The following RERE variants were observed in gnomAD, a reference collection of about 807,000 sequenced individuals.
The protein encoded by RERE is arginine-glutamic acid dipeptide repeats, also known as arginine-glutamic acid dipeptide repeats protein.
In RERE, 40 loss-of-function variants were observed where a neutral mutation model predicts 146.1. The ratio of observed to expected loss-of-function variants is 0.27; its 90% confidence interval spans 0.21 to 0.36. The LOEUF is 0.36. Among genes scored for constraint, RERE ranks in the 10% least tolerant of loss-of-function variants. The probability of loss-of-function intolerance (pLI) is 1.00; values close to 1 mark genes in which losing one functional copy is unlikely to be tolerated. For missense variants in RERE, 1,933 were observed against 2,138.7 expected, an observed-to-expected ratio of 0.90 and a Z score of 1.90; for synonymous variants, 1,003 against 866.0, an observed-to-expected ratio of 1.16 and a Z score of -2.78.
At chr1:8,734,373 A>T (rs973468818) in intron 1 of RERE, among the ~76,000 whole-genome samples, 1 of 152,188 alleles carries the variant, frequency 6.6e-6, no homozygotes, top group Admixed American at 6.5e-5. Flanking sequence ...ATCTTCCCTA[A>T]GCCATTGCTG....
intron 4 of RERE, among the ~76,000 whole-genome samples, chr1:8,563,212 T>G (rs539139113): frequency 1.9e-3 from 283 of 152,330 alleles, no homozygotes; most frequent in Non-Finnish European, 3.1e-3. Context: ...TTTTATCAAT[T>G]TAAATAGCCT....
chr1:8,372,467 G>A (rs375179125), intron 12 of RERE, among the ~76,000 whole-genome samples: 2 of 149,576 alleles, frequency 1.3e-5, no homozygotes, highest in Non-Finnish European at 3.0e-5. Context: ...TCCCACACAC[G>A]GTATCCAGGG....
chr1:8,498,433 C>T (rs1265916150), intron 8 of RERE, among the ~76,000 whole-genome samples: 6 of 151,630 alleles, frequency 4.0e-5, no homozygotes, highest in Admixed American at 6.6e-5. Context: ...TGGTGGCTCA[C>T]GCCTATAATC....
At chr1:8,416,338 C>T (rs1212945317) in intron 12 of RERE, among the ~76,000 whole-genome samples, 1 of 152,052 alleles carries the variant, frequency 6.6e-6, no homozygotes, top group Non-Finnish European at 1.5e-5. Context: ...GTAATCCCAG[C>T]ACTTTGGGAG....
chr1:8,593,651 C>T (rs1646521248), intron 4 of RERE, among the ~76,000 whole-genome samples: 1 of 152,220 alleles, frequency 6.6e-6, no homozygotes, highest in Non-Finnish European at 1.5e-5. Flanking sequence ...AGCTGCCTGG[C>T]TGGGATGGAG....
chr1:8,369,449 G>A (rs1641939581), intron 12 of RERE, among the ~76,000 whole-genome samples: 1 of 140,472 alleles, frequency 7.1e-6, no homozygotes, highest in Admixed American at 7.7e-5. Context: ...GAGTGCCAAG[G>A]ATGAAAATGA....
At chr1:8,425,930 C>A (rs1007537240) in intron 11 of RERE, among the ~76,000 whole-genome samples, 1 of 152,078 alleles carries the variant, frequency 6.6e-6, no homozygotes, top group African/African-American at 2.4e-5. Flanking sequence ...CAATTATTAT[C>A]CCCATTTTAC....
chr1:8,554,271 TAC>T (rs796694145), intron 6 of RERE, among the ~76,000 whole-genome samples: 18 of 152,366 alleles, frequency 1.2e-4, no homozygotes, highest in African/African-American at 3.6e-4. Context: ...ACATGTTGAA[TAC>T]AGTTACATAT....
intron 22 of RERE, 47 bp downstream of exon 22, chr1:8,355,372 C>T: frequency 1.3e-6 from 2 of 1,592,022 alleles, no homozygotes; most frequent in Non-Finnish European, 1.7e-6. Flanking sequence ...AGGTTGGGAG[C>T]CTGGGCTCAG....
intron 1 of RERE, among the ~76,000 whole-genome samples, chr1:8,737,992 T>C (rs1201927853): frequency 6.6e-6 from 1 of 152,206 alleles, no homozygotes; most frequent in African/African-American, 2.4e-5. Context: ...CTGTGGAATA[T>C]AAGGATGCAG....
At chr1:8,585,899 T>C (rs1646421893) in intron 4 of RERE, among the ~76,000 whole-genome samples, 1 of 152,188 alleles carries the variant, frequency 6.6e-6, no homozygotes, top group Non-Finnish European at 1.5e-5. Context: ...AATCTTACAA[T>C]TTTGAAAATC....
At chr1:8,568,797 A>G (rs1189477761) in intron 4 of RERE, among the ~76,000 whole-genome samples, 1 of 152,174 alleles carries the variant, frequency 6.6e-6, no homozygotes, top group East Asian at 1.9e-4. Context: ...TGATGGAGTG[A>G]GATTTATTAT....
At chr1:8,516,199 TGG>T (rs1244891674) in intron 7 of RERE, among the ~76,000 whole-genome samples, 1 of 104,390 alleles carries the variant, frequency 9.6e-6, no homozygotes, top group African/African-American at 3.9e-5. Flanking sequence ...TACTCCAGCC[TGG>T]GGGACGGAGC....
chr1:8,620,318 G>A (rs533391317), intron 3 of RERE, among the ~76,000 whole-genome samples: 17 of 152,164 alleles, frequency 1.1e-4, no homozygotes, highest in Non-Finnish European at 2.5e-4. Context: ...AGGAAGAGAC[G>A]GCTGTGCACA....
intron 11 of RERE, among the ~76,000 whole-genome samples, chr1:8,447,588 C>CCA (rs1479781760): frequency 3.3e-5 from 5 of 152,174 alleles, no homozygotes; most frequent in Admixed American, 6.5e-5. Flanking sequence ...TTCTGGAGGT[C>CCA]CACTTCAGAA....
Position 8,358,525 on chromosome 1 carries a change from A to C in RERE, c.4010T>G (p.Leu1337Arg), listed in dbSNP as rs1241389381. The change falls in exon 20 of 23, where the codon CTG becomes CGG. Residue 1337 changes from leucine (L) to arginine (R), a missense_variant. By Grantham distance (102) the Leu-to-Arg change is moderately radical (BLOSUM62 -2). Transcript: ENST00000400908. ...FEVKPPELDPLHPAANPMEHF... is the reference protein window; with the variant it reads ...FEVKPPELDPRHPAANPMEHF... ...CTCCATGGGGTTGGCGGCTGGGTGC[A>C]GGGGGTCCAGCTCTGGGGGCTTCAC... 1 of 1,598,030 alleles carries C rather than the reference A, an allele frequency of 6.3e-7. No homozygotes were observed. The highest frequency in any genetic ancestry group is 8.5e-7 in the Non-Finnish European group (1 of 1,173,116).
chr1:8,661,479 T>C (rs1164411111), intron 1 of RERE, among the ~76,000 whole-genome samples: 1 of 152,166 alleles, frequency 6.6e-6, no homozygotes, highest in East Asian at 1.9e-4. Flanking sequence ...GACTTCTGTT[T>C]ACCGGAGATC....
intron 1 of RERE, among the ~76,000 whole-genome samples, chr1:8,805,008 G>GTTTTTTTTTTTTTTTTTTT (rs1186832596): frequency 5.1e-5 from 4 of 77,836 alleles, no homozygotes; most frequent in Non-Finnish European, 7.2e-5. Flanking sequence ...TTTGTTTTTG[G>GTTTTTTTTTTTTTTTTTTT]TTTTTTTTTT....
chr1:8,480,130 T>TG (rs1222837616), intron 10 of RERE, among the ~76,000 whole-genome samples: 3 of 19,806 alleles, frequency 1.5e-4, no homozygotes, highest in African/African-American at 3.6e-4. Context: ...CTTTTTTTGT[T>TG]TTTTTTTTTT....
Sources: allele counts gnomAD v4.1 joint callset (sites outside exome capture counted in the v4.1 genomes callset), GRCh38; gene constraint gnomAD v4.1.1; transcripts MANE v1.5; gene names NCBI Gene and HGNC (gene_info 2026-07-23, HGNC 2026-07-21).